TPD52L1: variants seen among roughly 807,000 people sequenced by gnomAD.
TPD52L1 encodes the protein TPD52 like 1.
A neutral mutation model predicts 28.7 loss-of-function variants in TPD52L1; 18 were observed. The ratio of observed to expected loss-of-function variants is 0.63; its 90% CI spans 0.43 to 0.93. The LOEUF (loss-of-function observed/expected upper bound fraction) is 0.93, where lower values mean the gene tolerates loss of function less well. TPD52L1 is among the 40% of genes least tolerant of loss of function. TPD52L1 has a pLI of 0.00. For missense variants in TPD52L1, 203 were observed against 254.8 expected (o/e 0.80, Z 1.39); for synonymous variants, 75 against 88.8 (o/e 0.84, Z 0.88).
chr6:125,160,842 A>C (rs910524780), intron 1 of TPD52L1, among the ~76,000 whole-genome samples: 4 of 149,014 alleles, frequency 2.7e-5, no homozygotes, highest in Non-Finnish European at 4.4e-5. Flanking sequence ...TTTATGTTAC[A>C]GAGATGACTT....
At position 125,260,941 on chromosome 6, in the gene TPD52L1, AAAG is replaced by A. The variant is rs1797907070; in HGVS notation, c.487-1890_487-1888del. The A allele has an allele frequency of 1.0e-4, 4 of 38,656 alleles. 1 individual carries two copies. Among genetic ancestry groups the A allele is most frequent in the Admixed American group, 3.2e-4 (1 of 3,078 alleles). 2.4% of individuals were successfully genotyped at this position (38,656 alleles called of 1,614,324 possible). On this transcript the variant is annotated intron_variant, in intron 6 of 6. Coordinates refer to ENST00000534000, the MANE Select transcript of TPD52L1 (RefSeq NM_003287.4). ...AGAAAGAAGAAAGAAAGAAAGAAAG[AAAG>A]AAAGAAAGAAAGAAAGAAAGAAAGA... is the stretch of plus-strand genomic sequence containing the variant.
At chr6:125,195,161 C>A (rs1793341334) in intron 1 of TPD52L1, among the ~76,000 whole-genome samples, 1 of 152,208 alleles carries the variant, frequency 6.6e-6, no homozygotes, top group Non-Finnish European at 1.5e-5. Context: ...TTTCTGTCAA[C>A]TGGCCTAAGC....
intron 6 of TPD52L1, 73 bp from the exon 7 acceptor site, chr6:125,262,761 T>C (rs1583040950): frequency 1.3e-6 from 2 of 1,518,648 alleles, no homozygotes; most frequent in East Asian, 2.3e-5. Context: ...ATCCAGCTTT[T>C]GGTATTCTTA....
chr6:125,213,166 G>A (rs1243291078), intron 1 of TPD52L1, among the ~76,000 whole-genome samples: 1 of 152,110 alleles, frequency 6.6e-6, no homozygotes, highest in African/African-American at 2.4e-5. Flanking sequence ...TAGGCTTTGA[G>A]TAGTGGGGGA....
intron 1 of TPD52L1, among the ~76,000 whole-genome samples, chr6:125,198,812 T>C (rs1231781427): frequency 1.3e-5 from 2 of 152,158 alleles, no homozygotes; most frequent in Non-Finnish European, 2.9e-5. Context: ...TGCCACAACT[T>C]ACGGGATGAG....
rs550518568 is a variant in TPD52L1 at position 125,213,193 on chromosome 6, G to A, written c.20-6885G>A. On this transcript the variant is annotated intron_variant, in intron 1 of 6. Coordinates refer to ENST00000534000, the MANE Select transcript of TPD52L1 (RefSeq NM_003287.4). The stretch of plus-strand genomic sequence containing the variant: ...AGTGGGGGAAAAAATATTAGGCCTA[G>A]TCCATTCCAATGCAATTATTTTAAA... Among the ~76,000 whole-genome samples the A allele has an allele frequency of 5.9e-5, 9 of 152,244 alleles. No individual in the cohort carries two copies. The South Asian group carries it at 8.3e-4, about 14-fold the overall frequency.
Position 125,245,178 on chromosome 6 carries a change from T to C in TPD52L1, c.285-3104T>C, listed in dbSNP as rs2115028489. The stretch of plus-strand genomic sequence containing the variant: ...AATCCTTGGGTTTAACGTGCCGGCT[T>C]TCTCAGATGCTGGTTATGCTAGCAG... On this transcript the variant is annotated intron_variant, in intron 3 of 6. Transcript: ENST00000534000. Among the ~76,000 whole-genome samples, 2 of 152,252 alleles carry C rather than the reference T, an allele frequency of 1.3e-5. 1 individual carries two copies. Among genetic ancestry groups the C allele is most frequent in the South Asian group, 4.2e-4 (2 of 4,818 alleles).
chr6:125,238,602 A>G (rs1042341666), intron 3 of TPD52L1, among the ~76,000 whole-genome samples: 8 of 151,970 alleles, frequency 5.3e-5, no homozygotes, highest in Non-Finnish European at 1.0e-4. Context: ...GAGAACATAC[A>G]ATGTTTGGTT....
chr6:125,155,573 A>G (rs746084405), intron 1 of TPD52L1, among the ~76,000 whole-genome samples: 7 of 152,260 alleles, frequency 4.6e-5, no homozygotes, highest in Non-Finnish European at 8.8e-5. Flanking sequence ...TAAGAAGAGC[A>G]AAGACAGACT....
At chr6:125,164,193 A>G (rs1416703920) in intron 1 of TPD52L1, among the ~76,000 whole-genome samples, 1 of 152,186 alleles carries the variant, frequency 6.6e-6, no homozygotes, top group Non-Finnish European at 1.5e-5. Flanking sequence ...TATTTTCTAT[A>G]TGATCAAAGA....
chr6:125,225,239 C>T (rs2114976239), intron 2 of TPD52L1, among the ~76,000 whole-genome samples: 1 of 152,226 alleles, frequency 6.6e-6, no homozygotes, highest in Middle Eastern at 3.4e-3. Context: ...TTTGTTTATC[C>T]ATTCATCTCT....
chr6:125,253,506 G>C (rs1219907417), intron 4 of TPD52L1: 1 of 557,338 alleles, frequency 1.8e-6, no homozygotes, highest in Admixed American at 3.3e-5. Context: ...TGCAACCACG[G>C]ATCCACCATC....
chr6:125,247,946 G>C (rs570853236), intron 3 of TPD52L1, among the ~76,000 whole-genome samples: 4 of 152,296 alleles, frequency 2.6e-5, no homozygotes, highest in African/African-American at 9.6e-5. Context: ...AGCTGTCATT[G>C]ACAAGTGTCT....
Position 125,263,141 on chromosome 6 carries a change from A to T in TPD52L1, c.*179A>T. The T allele has an allele frequency of 2.9e-6, 2 of 678,168 alleles. No homozygotes were observed. The highest frequency in any genetic ancestry group is 4.8e-6 in the Non-Finnish European group (2 of 419,656). 42.0% of individuals were successfully genotyped at this position (678,168 alleles called of 1,614,324 possible). A position where few individuals can be genotyped will look rare whatever the true frequency, so the allele number is the denominator to read the frequency against. On this transcript the variant is annotated 3_prime_UTR_variant, in exon 7 of 7. Transcript: ENST00000534000. ...CCATTTGTATTTGTGTTGATGATGGACCACTTGACCATCACATTTCAGTAT... is the reference window on the plus strand; with the variant it reads ...CCATTTGTATTTGTGTTGATGATGGTCCACTTGACCATCACATTTCAGTAT...
chr6:125,169,496 A>T (rs367995247), intron 1 of TPD52L1, among the ~76,000 whole-genome samples: 2 of 152,224 alleles, frequency 1.3e-5, no homozygotes, highest in East Asian at 1.9e-4. Context: ...GTTCATCCTC[A>T]TTTCAGTTAA....
At chr6:125,229,335 C>A (rs922262766) in intron 3 of TPD52L1, 69 bp downstream of exon 3, 1 of 1,438,790 alleles carries the variant, frequency 7.0e-7, no homozygotes, top group Admixed American at 2.5e-5. Context: ...TGTTTTGTTT[C>A]ATTTTTCCTA....
At chr6:125,183,589 A>G (rs1181118504) in intron 1 of TPD52L1, among the ~76,000 whole-genome samples, 2 of 152,246 alleles carry the variant, frequency 1.3e-5, no homozygotes, top group African/African-American at 4.8e-5. Context: ...GTAGAAGCAC[A>G]TGATGTAGTT....
At chr6:125,154,240 G>T in intron 1 of TPD52L1, 1 of 1,257,632 alleles carries the variant, frequency 8.0e-7, no homozygotes, top group Non-Finnish European at 1.0e-6. Flanking sequence ...ACCCTCTTCC[G>T]CAGCCAGTCG....
At chr6:125,228,290 G>A (rs1795737881) in intron 2 of TPD52L1, among the ~76,000 whole-genome samples, 1 of 152,160 alleles carries the variant, frequency 6.6e-6, no homozygotes, top group Admixed American at 6.5e-5. Context: ...TTCCTTGATT[G>A]TGATAATGGC....
Sources: allele counts gnomAD v4.1 joint callset (sites outside exome capture counted in the v4.1 genomes callset), GRCh38; gene constraint gnomAD v4.1.1; transcripts MANE v1.5; gene names NCBI Gene and HGNC (gene_info 2026-07-23, HGNC 2026-07-21).